CRB1: variants seen among roughly 807,000 people sequenced by gnomAD.
CRB1 encodes the protein protein crumbs homolog 1.
In CRB1, 83 loss-of-function variants were observed where a neutral mutation model predicts 120.0. That is an observed-to-expected ratio of 0.69 (90% CI 0.58 to 0.83). CRB1 has a LOEUF of 0.83. Among genes scored for constraint, CRB1 ranks in the 40% least tolerant of loss-of-function variants. CRB1 has a pLI of 0.00. For synonymous variants in CRB1, 625 were observed against 612.5 expected (o/e 1.02, Z -0.30); for missense variants, 1,699 against 1,687.6 (o/e 1.01, Z -0.12).
At position 197,437,455 on chromosome 1, in the gene CRB1, C is replaced by G. The variant is rs906971147; in HGVS notation, c.3750-1092C>G. 3.9e-5 allele frequency among the ~76,000 whole-genome samples: 6 copies of G among 152,176 alleles called. 1 individual carries two copies. In the South Asian group the frequency reaches 1.0e-3, roughly 26 times the overall value. The stretch of plus-strand genomic sequence containing the variant: ...CACATAGGCCCTAGTAACTACTTCT[C>G]CAGAATTTTTTTCTGCCTAATTCAT... On this transcript the variant is annotated intron_variant, in intron 9 of 11. Coordinates refer to ENST00000367400, the MANE Select transcript of CRB1 (RefSeq NM_201253.3).
chr1:197,406,431 G>A (rs1276281743), intron 5 of CRB1, among the ~76,000 whole-genome samples: 9 of 152,184 alleles, frequency 5.9e-5, no homozygotes, highest in Non-Finnish European at 4.4e-5. Context: ...CAGTGACACA[G>A]ACACTGCGGA....
intron 1 of CRB1, among the ~76,000 whole-genome samples, chr1:197,282,357 T>TA: frequency 6.6e-6 from 1 of 151,874 alleles, no homozygotes; most frequent in Non-Finnish European, 1.5e-5. Flanking sequence ...TTCTATAAAA[T>TA]AATTTTACAC....
At chr1:197,212,777 GA>G in the CRB1 span, among the ~76,000 whole-genome samples, 1 of 152,004 alleles carries the variant, frequency 6.6e-6, no homozygotes, top group African/African-American at 2.4e-5. Flanking sequence ...CCATTAAAAA[GA>G]GTGTCACCCA....
In CRB1 at chr1:197,356,976, C is replaced by T. The variant is rs1422765947; in HGVS notation, c.1134C>T (p.Ala378=). 4 of 1,614,050 alleles carry T rather than the reference C, an allele frequency of 2.5e-6. No homozygotes were observed. The highest frequency in any genetic ancestry group is 1.7e-5 in the Admixed American group (1 of 60,002). ...CTTCTTCTTTCAGCTACCATGAAGC[C>T]TCAGGTTATGTCTGTATCTGTCAGC... ...GLPSSFSYHE[A]SGYVCICQPG... The change falls in exon 5 of 12, where the codon GCC becomes GCT. Residue 378 remains alanine (A), a synonymous_variant. Transcript: ENST00000367400.
intron 10 of CRB1, 111 bp downstream of exon 10, chr1:197,438,786 T>G: frequency 7.3e-7 from 1 of 1,364,124 alleles, no homozygotes; most frequent in Non-Finnish European, 1.0e-6. Context: ...TAGGAAAATC[T>G]ATGCTGAAAT....
At chr1:197,214,697 C>A in the CRB1 span, among the ~76,000 whole-genome samples, 68 of 152,140 alleles carry the variant, frequency 4.5e-4, no homozygotes, top group Admixed American at 4.3e-3. Context: ...AAAAACTTCA[C>A]AACAAAGGAA....
rs1664678030 is a variant in CRB1, at chr1:197,427,895, T to G, written c.2570T>G (p.Leu857Arg). 6.2e-6 allele frequency: 10 copies of G among 1,614,024 alleles called. No homozygotes were observed. The highest frequency in any genetic ancestry group is 8.5e-6 in the Non-Finnish European group (10 of 1,179,966). Residue 857 changes from leucine to arginine, a missense_variant, in exon 7 of 12, where the codon CTA (leucine) becomes CGA (arginine). Leu to Arg is a moderately radical substitution (Grantham distance 102). Transcript: ENST00000367400. ...FFKGCIQDVR[L>R]NNQNLEFFPN... ...AAAGGCTGTATCCAAGATGTAAGACTAAACAACCAAAATCTGGAATTCTTT... is the reference window on the plus strand; with the variant it reads ...AAAGGCTGTATCCAAGATGTAAGACGAAACAACCAAAATCTGGAATTCTTT...
rs773457531 is a variant in CRB1 at position 197,328,853 on chromosome 1, G to A, written c.502G>A (p.Asp168Asn). The A allele has an allele frequency of 6.2e-7, 1 of 1,613,472 alleles. No individual in the cohort carries two copies. Reference sequence around the variant, plus strand: ...TGGGGCCGTGTGCCAGGATGGAATTGATGGTTACTCCTGCTTCTGTGTCCC... The same window carrying A: ...TGGGGCCGTGTGCCAGGATGGAATTAATGGTTACTCCTGCTTCTGTGTCCC... ...QNGAVCQDGI[D>N]GYSCFCVPGY... is the part of the protein sequence containing the mutation. Residue 168 changes from aspartate (D) to asparagine (N), a missense_variant, in exon 2 of 12, where the codon GAT (aspartate) becomes AAT (asparagine). By Grantham distance (23) the Asp-to-Asn change is conservative. Coordinates refer to ENST00000367400, the MANE Select transcript of CRB1 (RefSeq NM_201253.3).
chr1:197,220,248 T>C, the CRB1 span, among the ~76,000 whole-genome samples: 5 of 150,412 alleles, frequency 3.3e-5, no homozygotes, highest in Admixed American at 2.0e-4. Flanking sequence ...GGATAAAGAG[T>C]TTAGGAAATG....
intron 11 of CRB1, among the ~76,000 whole-genome samples, chr1:197,454,989 A>T (rs1293060034): frequency 6.6e-6 from 1 of 152,174 alleles, no homozygotes; most frequent in East Asian, 1.9e-4. Flanking sequence ...AATTTCGTGA[A>T]TCATAAAGAT....
the CRB1 span, among the ~76,000 whole-genome samples, chr1:197,213,365 T>C: frequency 6.6e-6 from 1 of 152,186 alleles, no homozygotes; most frequent in Non-Finnish European, 1.5e-5. Flanking sequence ...ATCCTGGCAT[T>C]TGGGGGAGCT....
At chr1:197,411,796 G>T (rs764541339) in intron 5 of CRB1, among the ~76,000 whole-genome samples, 2 of 151,878 alleles carry the variant, frequency 1.3e-5, no homozygotes, top group Non-Finnish European at 1.5e-5. Context: ...TAAGTTCAAG[G>T]GTACAAGTAC....
In CRB1 at chr1:197,275,777, A is replaced by G. The variant is rs1159169080; in HGVS notation, c.70+7295A>G. Among the ~76,000 whole-genome samples, 3 of 152,106 alleles carry G rather than the reference A, an allele frequency of 2.0e-5. No individual in the cohort carries two copies. In the East Asian group the frequency reaches 5.8e-4, roughly 30 times the overall value. On this transcript the variant is annotated intron_variant, in intron 1 of 11. Transcript: ENST00000367400. ...TAACCTACTTTTTTTCACAAACTGC[A>G]TTCATTACTTGGGGCACCAAAAGAT...
intron 4 of CRB1, among the ~76,000 whole-genome samples, chr1:197,350,102 G>A (rs1282873328): frequency 1.9e-4 from 25 of 134,374 alleles, no homozygotes; most frequent in Admixed American, 1.1e-3. Context: ...GCGAGACTCC[G>A]TCTCAAAAAA....
chr1:197,302,273 T>A (rs693896), intron 1 of CRB1, among the ~76,000 whole-genome samples: 2,481 of 152,324 alleles, frequency 0.016, 74 homozygotes, highest in African/African-American at 0.056. Context: ...GTTAGCATTT[T>A]TTAGCAATAC....
At chr1:197,354,665 G>C (rs1001120405) in intron 4 of CRB1, among the ~76,000 whole-genome samples, 2 of 152,010 alleles carry the variant, frequency 1.3e-5, no homozygotes, top group Admixed American at 1.3e-4. Context: ...GAGTGCTACA[G>C]CTCATAAAGT....
intron 1 of CRB1, among the ~76,000 whole-genome samples, chr1:197,281,107 C>T (rs969146875): frequency 2.6e-5 from 4 of 151,700 alleles, no homozygotes; most frequent in Admixed American, 2.0e-4. Context: ...AGACACTAAT[C>T]CATAAGTTAA....
chr1:197,385,237 T>A (rs1662155504), intron 5 of CRB1, among the ~76,000 whole-genome samples: 2 of 152,196 alleles, frequency 1.3e-5, no homozygotes, highest in Admixed American at 6.6e-5. Flanking sequence ...TATCATTTTT[T>A]AAAGTTGTCT....
At chr1:197,354,590 T>C (rs979651984) in intron 4 of CRB1, among the ~76,000 whole-genome samples, 1 of 152,062 alleles carries the variant, frequency 6.6e-6, no homozygotes, top group Admixed American at 6.5e-5. Context: ...TGGAGAGTTG[T>C]TTATTCCTCC....
Sources: allele counts gnomAD v4.1 joint callset (sites outside exome capture counted in the v4.1 genomes callset), GRCh38; gene constraint gnomAD v4.1.1; transcripts MANE v1.5; gene names NCBI Gene and HGNC (gene_info 2026-07-23, HGNC 2026-07-21).